The following CSMD3 variants were observed in gnomAD, a reference collection of about 807,000 sequenced individuals.
CSMD3 encodes the protein CUB and Sushi multiple domains 3, also known as CUB and sushi domain-containing protein 3.
In CSMD3, 177 loss-of-function variants were observed where a neutral mutation model predicts 435.2. The ratio of observed to expected loss-of-function variants is 0.41; its 90% CI spans 0.36 to 0.46. The LOEUF (loss-of-function observed/expected upper bound fraction) is 0.46, where lower values mean the gene tolerates loss of function less well. CSMD3 is among the 20% of genes least tolerant of loss of function. The pLI, the probability that CSMD3 is intolerant of heterozygous loss-of-function variation, is 0.34. For missense variants in CSMD3, 4,265 were observed against 4,504.6 expected, an observed-to-expected ratio of 0.95 and a Z score of 1.52; for synonymous variants, 1,656 against 1,520.5, an observed-to-expected ratio of 1.09 and a Z score of -2.07.
chr8:112,275,296 C>T (rs1452869353), intron 59 of CSMD3, among the ~76,000 whole-genome samples: 2 of 152,032 alleles, frequency 1.3e-5, no homozygotes, highest in Admixed American at 6.6e-5. Context: ...GCCTGTAACC[C>T]CAGCACTTTG....
At chr8:112,351,048 C>G in intron 40 of CSMD3, 127 bp downstream of exon 40, 1 of 567,384 alleles carries the variant, frequency 1.8e-6, no homozygotes, top group Non-Finnish European at 3.1e-6. Flanking sequence ...AAAAGGCAAA[C>G]TATATGTTTG....
chr8:112,543,094 C>A (rs186508211), intron 27 of CSMD3, among the ~76,000 whole-genome samples: 1 of 152,060 alleles, frequency 6.6e-6, no homozygotes, highest in East Asian at 1.9e-4. Flanking sequence ...ACACAAAAAT[C>A]AACTCAAAAT....
intron 56 of CSMD3, 25 bp from the exon 57 acceptor site, chr8:112,289,563 A>G: frequency 6.6e-7 from 1 of 1,504,892 alleles, no homozygotes; most frequent in Non-Finnish European, 9.0e-7. Flanking sequence ...TATTAAATAT[A>G]AAATTTTTTT....
intron 13 of CSMD3, among the ~76,000 whole-genome samples, chr8:112,715,350 T>A (rs1461879771): frequency 6.6e-6 from 1 of 152,136 alleles, no homozygotes; most frequent in Admixed American, 6.5e-5. Context: ...CCTGGACTCA[T>A]GCACCCTCCA....
intron 6 of CSMD3, among the ~76,000 whole-genome samples, chr8:112,980,559 C>T (rs1016381713): frequency 6.6e-5 from 10 of 151,164 alleles, no homozygotes; most frequent in Non-Finnish European, 1.0e-4. Flanking sequence ...CTAAATACTA[C>T]GACTAATTCT....
intron 5 of CSMD3, among the ~76,000 whole-genome samples, chr8:113,070,365 T>A (rs1035507435): frequency 1.3e-5 from 2 of 151,962 alleles, no homozygotes; most frequent in African/African-American, 2.4e-5. Flanking sequence ...ATGAGAAAAT[T>A]GGTGGCATTA....
At chr8:112,430,357 G>GT (rs1459395418) in intron 32 of CSMD3, among the ~76,000 whole-genome samples, 1 of 152,002 alleles carries the variant, frequency 6.6e-6, no homozygotes, top group Non-Finnish European at 1.5e-5. Flanking sequence ...ATTATCTCAT[G>GT]TAAGAAAATG....
intron 45 of CSMD3, among the ~76,000 whole-genome samples, chr8:112,322,236 G>A (rs1823065666): frequency 6.6e-6 from 1 of 152,030 alleles, no homozygotes. Context: ...TGGAATCCAT[G>A]ACTATTATCA....
chr8:112,467,019 C>A (rs1818023936), intron 32 of CSMD3, among the ~76,000 whole-genome samples: 1 of 152,070 alleles, frequency 6.6e-6, no homozygotes, highest in South Asian at 2.1e-4. Flanking sequence ...AAACAAAATA[C>A]ATTAAAGTAG....
intron 22 of CSMD3, among the ~76,000 whole-genome samples, chr8:112,597,745 A>C (rs2131398313): frequency 7.4e-6 from 1 of 134,472 alleles, no homozygotes; most frequent in East Asian, 2.1e-4. Context: ...TCCAGCATAT[A>C]AACAGAGCCA....
chr8:113,311,992 A>G (rs2093873084), intron 2 of CSMD3: 1 of 152,136 alleles, frequency 6.6e-6, no homozygotes, highest in Admixed American at 6.6e-5. Context: ...ATTTGTATAT[A>G]TTACACCTGT....
chr8:113,089,101 T>C (rs1423312708), intron 5 of CSMD3, among the ~76,000 whole-genome samples: 2 of 152,100 alleles, frequency 1.3e-5, no homozygotes, highest in East Asian at 3.9e-4. Context: ...ACCATGGCAG[T>C]GAACCATGGA....
intron 10 of CSMD3, among the ~76,000 whole-genome samples, chr8:112,867,775 G>A (rs2081025660): frequency 6.6e-6 from 1 of 152,134 alleles, no homozygotes; most frequent in African/African-American, 2.4e-5. Flanking sequence ...AGGATTGGAA[G>A]TTGCTCAAGG....
intron 13 of CSMD3, among the ~76,000 whole-genome samples, chr8:112,692,126 T>G (rs537132775): frequency 1.1e-3 from 167 of 152,196 alleles, no homozygotes; most frequent in Non-Finnish European, 2.1e-3. Context: ...TTATTTTAAT[T>G]TAAACATCTT....
chr8:113,157,423 T>C, intron 4 of CSMD3, among the ~76,000 whole-genome samples: 1 of 133,374 alleles, frequency 7.5e-6, no homozygotes, highest in Admixed American at 7.2e-5. Flanking sequence ...TAGAGCAAAA[T>C]CTCATAACAG....
chr8:112,532,401 T>C (rs1825628835), intron 27 of CSMD3, among the ~76,000 whole-genome samples: 1 of 152,108 alleles, frequency 6.6e-6, no homozygotes, highest in Non-Finnish European at 1.5e-5. Flanking sequence ...AAAATAACAC[T>C]ATCCCAGGGC....
chr8:113,348,984 T>C (rs537238844), intron 1 of CSMD3, among the ~76,000 whole-genome samples: 50 of 152,248 alleles, frequency 3.3e-4, no homozygotes, highest in Admixed American at 3.3e-3. Context: ...GGTTTACTAT[T>C]TGGTATATGT....
chr8:112,331,043 C>A (rs1464462312), intron 45 of CSMD3, among the ~76,000 whole-genome samples: 1 of 151,862 alleles, frequency 6.6e-6, no homozygotes, highest in Non-Finnish European at 1.5e-5. Flanking sequence ...TAATACTTAC[C>A]TTATAGGGTT....
At chr8:113,041,556 G>A (rs2087616878) in intron 5 of CSMD3, among the ~76,000 whole-genome samples, 1 of 152,034 alleles carries the variant, frequency 6.6e-6, no homozygotes, top group Non-Finnish European at 1.5e-5. Flanking sequence ...CTCACCATCA[G>A]TTCCAATCTA....
Sources: gnomAD v4.1 joint callset for allele counts (sites outside exome capture counted in the v4.1 genomes callset) on GRCh38, gnomAD v4.1.1 for gene constraint, MANE v1.5 for transcripts, NCBI Gene and HGNC (gene_info 2026-07-23, HGNC 2026-07-21) for gene names.